Variants in MAP3K13 observed in about 807,000 individuals in gnomAD.
The protein encoded by MAP3K13 is mitogen-activated protein kinase kinase kinase 13.
In MAP3K13, 52 loss-of-function variants were observed where a neutral mutation model predicts 104.0. That is an observed-to-expected ratio of 0.50 (90% confidence interval 0.40 to 0.63). The LOEUF is 0.63. Among genes scored for constraint, MAP3K13 ranks in the 20% least tolerant of loss-of-function variants. The pLI, the probability that MAP3K13 is intolerant of heterozygous loss-of-function variation, is 0.00. For missense variants in MAP3K13, 914 were observed against 1,218.5 expected, an observed-to-expected ratio of 0.75 and a Z score of 3.72; for synonymous variants, 394 against 442.2, an observed-to-expected ratio of 0.89 and a Z score of 1.37.
At chr3:185,472,636 T>C (rs1446752319) in intron 10 of MAP3K13, among the ~76,000 whole-genome samples, 1 of 152,192 alleles carries the variant, frequency 6.6e-6, no homozygotes, top group Admixed American at 6.5e-5. Flanking sequence ...ACAAATTTGA[T>C]GTTTGTTCTT....
At chr3:185,373,726 T>C (rs1724272756) in intron 1 of MAP3K13, among the ~76,000 whole-genome samples, 2 of 152,122 alleles carry the variant, frequency 1.3e-5, no homozygotes, top group African/African-American at 4.8e-5. Flanking sequence ...AACTTTTTTT[T>C]CTATTTCTGT....
At chr3:185,291,488 T>G (rs903078431) in intron 2 of MAP3K13, 1 of 902,806 alleles carries the variant, frequency 1.1e-6, no homozygotes, top group Non-Finnish European at 1.5e-6. Context: ...ATTTTCTCCT[T>G]TTGTTCTTTC....
chr3:185,309,060 C>T (rs958325251), intron 2 of MAP3K13, among the ~76,000 whole-genome samples: 10 of 152,034 alleles, frequency 6.6e-5, no homozygotes, highest in East Asian at 1.9e-4. Flanking sequence ...GGATTAGGGC[C>T]GCACACTATT....
chr3:185,321,078 G>A (rs1019855906), intron 2 of MAP3K13, among the ~76,000 whole-genome samples: 14 of 151,308 alleles, frequency 9.3e-5, no homozygotes, highest in African/African-American at 3.2e-4. Flanking sequence ...ACACATATGC[G>A]TGCACACATA....
intron 8 of MAP3K13, among the ~76,000 whole-genome samples, chr3:185,464,450 T>C (rs1717294482): frequency 6.6e-6 from 1 of 152,102 alleles, no homozygotes; most frequent in African/African-American, 2.4e-5. Context: ...CCCCATGCTG[T>C]TTTTGTGATA....
chr3:185,318,338 C>T (rs1721749070), intron 2 of MAP3K13, among the ~76,000 whole-genome samples: 1 of 152,188 alleles, frequency 6.6e-6, no homozygotes, highest in African/African-American at 2.4e-5. Context: ...GCTTTATAAA[C>T]CTGCCTGACA....
chr3:185,304,972 T>G (rs1721244442), intron 2 of MAP3K13, among the ~76,000 whole-genome samples: 1 of 152,204 alleles, frequency 6.6e-6, no homozygotes, highest in Non-Finnish European at 1.5e-5. Flanking sequence ...TGGAATATCT[T>G]TTTCCATCCT....
At chr3:185,306,176 C>G (rs1721284057) in intron 2 of MAP3K13, among the ~76,000 whole-genome samples, 1 of 152,166 alleles carries the variant, frequency 6.6e-6, no homozygotes, top group African/African-American at 2.4e-5. Flanking sequence ...TTTATCCAAT[C>G]CACCATTGAT....
intron 2 of MAP3K13, among the ~76,000 whole-genome samples, chr3:185,432,378 A>G (rs1173241761): frequency 6.6e-6 from 1 of 151,716 alleles, no homozygotes; most frequent in African/African-American, 2.4e-5. Context: ...TTTAGTAGAG[A>G]CAGGGTTTCA....
At chr3:185,377,429 T>TC (rs1187655966) in intron 1 of MAP3K13, among the ~76,000 whole-genome samples, 3 of 151,874 alleles carry the variant, frequency 2.0e-5, no homozygotes, top group Admixed American at 2.0e-4. Context: ...GAAGGAGGCT[T>TC]TGAACTGGAG....
rs748453538 is a variant in MAP3K13 at position 185,437,968 on chromosome 3, A to G, written c.659+338A>G. 9.0e-4 allele frequency among the ~76,000 whole-genome samples: 137 copies of G among 152,260 alleles called. 2 individuals carry two copies. The highest frequency in any genetic ancestry group is 4.1e-4 in the Non-Finnish European group (28 of 68,012). ...CAATGGGATAACAGAGGTTACTTCA[A>G]TATCACCTGAACAGCCTAAGATTCA... On this transcript the variant is annotated intron_variant, in intron 3 of 13. Transcript: ENST00000265026.
At chr3:185,472,827 T>C (rs1577619340) in intron 10 of MAP3K13, 148 bp from the exon 11 acceptor site, 2 of 752,236 alleles carry the variant, frequency 2.7e-6, no homozygotes, top group East Asian at 2.7e-5. Context: ...CATGAACATT[T>C]TGAAGACCCC....
intron 1 of MAP3K13, among the ~76,000 whole-genome samples, chr3:185,405,604 T>C (rs1296188383): frequency 6.6e-6 from 1 of 152,214 alleles, no homozygotes; most frequent in East Asian, 1.9e-4. Context: ...CAGCCTCATC[T>C]CTCTCCATCC....
chr3:185,456,746 C>T (rs936272782), intron 7 of MAP3K13, among the ~76,000 whole-genome samples: 47 of 151,898 alleles, frequency 3.1e-4, no homozygotes, highest in African/African-American at 1.0e-3. Flanking sequence ...GGACTACAGG[C>T]GTGTGCCACC....
intron 2 of MAP3K13, among the ~76,000 whole-genome samples, chr3:185,314,828 T>TG (rs763340314): frequency 3.1e-4 from 47 of 152,186 alleles, no homozygotes; most frequent in Non-Finnish European, 5.3e-4. Context: ...TTTGTAGAGA[T>TG]GGGGGTCTCA....
intron 2 of MAP3K13, among the ~76,000 whole-genome samples, chr3:185,342,677 T>C (rs1019722866): frequency 1.3e-5 from 2 of 152,236 alleles, no homozygotes; most frequent in Non-Finnish European, 2.9e-5. Context: ...TTTTTGTAAA[T>C]GTTTCCTGTA....
At chr3:185,469,636 C>T (rs541540037) in intron 10 of MAP3K13, among the ~76,000 whole-genome samples, 6 of 152,268 alleles carry the variant, frequency 3.9e-5, no homozygotes, top group East Asian at 1.9e-4. Context: ...TTCCTGTAAA[C>T]GAAGAAAAAC....
intron 2 of MAP3K13, among the ~76,000 whole-genome samples, chr3:185,289,168 T>C (rs1720643108): frequency 6.6e-6 from 1 of 152,108 alleles, no homozygotes; most frequent in Non-Finnish European, 1.5e-5. Context: ...TAAGAGAAAG[T>C]ATAGAACTAT....
At position 185,455,891 on chromosome 3, in the gene MAP3K13, G is replaced by T. The variant is rs1355752101; in HGVS notation, c.1278+4496G>T. The stretch of plus-strand genomic sequence containing the variant: ...AGATATAGATGAGATATATGATATA[G>T]ATGAGATATATATGATATAGATGAG... On this transcript the variant is annotated intron_variant, in intron 7 of 13. Coordinates refer to ENST00000265026, the MANE Select transcript of MAP3K13 (RefSeq NM_004721.5). Among the ~76,000 whole-genome samples, 75 of 116,050 alleles carry T rather than the reference G, an allele frequency of 6.5e-4. 1 individual carries two copies. The highest frequency in any genetic ancestry group is 2.2e-3 in the African/African-American group (69 of 30,840). The allele number at this position is 116,050 out of a possible 152,430, so 76.1% of individuals were successfully genotyped here. A position where few individuals can be genotyped will look rare whatever the true frequency, so the allele number is the denominator to read the frequency against.
Sources: allele counts gnomAD v4.1 joint callset (sites outside exome capture counted in the v4.1 genomes callset), GRCh38; gene constraint gnomAD v4.1.1; transcripts MANE v1.5; gene names NCBI Gene and HGNC (gene_info 2026-07-23, HGNC 2026-07-21).